Variants in TANC1 observed in about 807,000 individuals in gnomAD.
TANC1 encodes the protein protein TANC1.
Under a neutral mutation model 149.7 loss-of-function variants are expected in TANC1, and 77 were observed. The ratio of observed to expected loss-of-function variants is 0.51; its 90% CI spans 0.43 to 0.62. The LOEUF is 0.62. Among genes scored for constraint, TANC1 ranks in the 20% least tolerant of loss-of-function variants. The probability of loss-of-function intolerance (pLI) is 0.00; values close to 1 mark genes in which losing one functional copy is unlikely to be tolerated. For synonymous variants in TANC1, 854 were observed against 925.0 expected (o/e 0.92, Z 1.39); for missense variants, 1,985 against 2,321.8 (o/e 0.85, Z 2.98).
At chr2:159,007,362 T>G (rs1420881788) in intron 2 of TANC1, among the ~76,000 whole-genome samples, 1 of 152,154 alleles carries the variant, frequency 6.6e-6, no homozygotes, top group Non-Finnish European at 1.5e-5. Flanking sequence ...GTCAGGCTGG[T>G]CTTGAACTCC....
intron 8 of TANC1, among the ~76,000 whole-genome samples, chr2:159,165,328 G>A (rs2150418785): frequency 6.6e-6 from 1 of 152,306 alleles, no homozygotes; most frequent in South Asian, 2.1e-4. Context: ...GTGCCCTTGA[G>A]CTAGACCTCC....
intron 3 of TANC1, among the ~76,000 whole-genome samples, chr2:159,066,589 T>G (rs1167261266): frequency 6.6e-6 from 1 of 152,198 alleles, no homozygotes; most frequent in East Asian, 1.9e-4. Context: ...GGATAGCAGG[T>G]GTGTTCAGGA....
At chr2:159,045,478 A>T (rs539100774) in intron 2 of TANC1, among the ~76,000 whole-genome samples, 27 of 152,318 alleles carry the variant, frequency 1.8e-4, no homozygotes, top group African/African-American at 6.0e-4. Flanking sequence ...AGTTTAAAGG[A>T]TACATAAAAT....
At chr2:159,003,830 A>G in intron 2 of TANC1, 1 of 1,602,084 alleles carries the variant, frequency 6.2e-7, no homozygotes. Flanking sequence ...TCCCTGCTTC[A>G]GATTTACCAA....
chr2:159,163,472 C>T lies in TANC1; in HGVS notation c.872C>T (p.Ser291Leu), dbSNP rs1394646075. Residue 291 changes from serine (S) to leucine (L), a missense_variant, in exon 8 of 27, where the codon TCA (serine) becomes TTA (leucine). Ser to Leu is a moderately radical substitution (Grantham distance 145). This residue lies in a region of TANC1 where 557 missense variants were observed against 612.9 expected (regional missense o/e 0.91). Transcript: ENST00000263635. ...AESTLPKAES[S>L]AGDGPVPYSQ... ...AGCACGCTGCCCAAAGCAGAATCCT[C>T]AGCTGGAGATGGTCCAGTCCCTTAT... 1 of 1,613,924 alleles carries T rather than the reference C, an allele frequency of 6.2e-7. No homozygotes were observed. The highest frequency in any genetic ancestry group is 2.2e-5 in the East Asian group (1 of 44,884).
At chr2:159,127,713 G>A (rs1355121777) in intron 4 of TANC1, among the ~76,000 whole-genome samples, 1 of 151,988 alleles carries the variant, frequency 6.6e-6, no homozygotes, top group Non-Finnish European at 1.5e-5. Context: ...GCCCGTCAGG[G>A]CACGGGGGGA....
rs371678160 is a variant in TANC1 at position 159,077,443 on chromosome 2, G to A, written c.61+11472G>A. Among the ~76,000 whole-genome samples, 135 of 151,964 alleles carry A rather than the reference G, an allele frequency of 8.9e-4. 1 individual carries two copies. The highest frequency in any genetic ancestry group is 5.2e-3 in the South Asian group (25 of 4,810). ...CTATTTCTTCTCTGCTTCTCTTTTCGCTCCCCAAAGGCAATTAATGTTAAC... is the reference window on the plus strand; with the variant it reads ...CTATTTCTTCTCTGCTTCTCTTTTCACTCCCCAAAGGCAATTAATGTTAAC... On this transcript the variant is annotated intron_variant, in intron 3 of 26. Transcript: ENST00000263635.
At chr2:158,975,598 G>T (rs1229430101) in intron 1 of TANC1, among the ~76,000 whole-genome samples, 2 of 151,634 alleles carry the variant, frequency 1.3e-5, no homozygotes, top group African/African-American at 4.8e-5. Flanking sequence ...TCGGTGTCAG[G>T]GGTGTAGGAG....
intron 7 of TANC1, among the ~76,000 whole-genome samples, chr2:159,159,565 T>C (rs1355655143): frequency 6.6e-6 from 1 of 152,164 alleles, no homozygotes; most frequent in Non-Finnish European, 1.5e-5. Context: ...CATGAACTTT[T>C]AGCCACAGAT....
chr2:159,173,191 G>A (rs1374305693), intron 11 of TANC1, among the ~76,000 whole-genome samples: 2 of 152,148 alleles, frequency 1.3e-5, no homozygotes. Context: ...TCTTACACTA[G>A]AGATCACTCA....
Position 159,136,178 on chromosome 2 carries a change from A to C in TANC1, c.260-16A>C. 6.6e-7 allele frequency: 1 copy of C among 1,504,434 alleles called. No individual in the cohort carries two copies. Among genetic ancestry groups the C allele is most frequent in the Non-Finnish European group, 9.3e-7 (1 of 1,079,662 alleles). The allele number at this position is 1,504,434 out of a possible 1,614,324, so 93.2% of individuals were successfully genotyped here. ...TCTGGAAAAAATTAGCCACACTCAG[A>C]TCTTTCCCACTACAGGTCCCGTCAG... On this transcript the variant is annotated splice_polypyrimidine_tract_variant and intron_variant, in intron 4 of 26. Transcript: ENST00000263635.
chr2:158,971,827 A>G (rs2032929487), intron 1 of TANC1, among the ~76,000 whole-genome samples: 1 of 152,238 alleles, frequency 6.6e-6, no homozygotes, highest in East Asian at 1.9e-4. Flanking sequence ...TGAATAAACC[A>G]AGGCCTAGAA....
chr2:159,161,269 A>G (rs562631932), intron 7 of TANC1, among the ~76,000 whole-genome samples: 29 of 152,296 alleles, frequency 1.9e-4, no homozygotes, highest in Non-Finnish European at 3.5e-4. Context: ...TAATTTTTCA[A>G]TTTACAAATA....
chr2:159,161,569 A>G (rs563603517), intron 7 of TANC1, among the ~76,000 whole-genome samples: 70 of 152,370 alleles, frequency 4.6e-4, no homozygotes, highest in Middle Eastern at 3.4e-3. Context: ...CCTGAAAAAC[A>G]TTAGCACACT....
intron 8 of TANC1, among the ~76,000 whole-genome samples, chr2:159,166,136 T>C (rs1482107663): frequency 6.6e-6 from 1 of 152,204 alleles, no homozygotes; most frequent in Non-Finnish European, 1.5e-5. Flanking sequence ...AAAACAGACC[T>C]AGAAGCCTTT....
intron 3 of TANC1, among the ~76,000 whole-genome samples, chr2:159,084,760 T>C (rs2044662504): frequency 6.6e-6 from 1 of 152,222 alleles, no homozygotes. Flanking sequence ...CTAAATTATC[T>C]GGGGCTAAGT....
intron 3 of TANC1, among the ~76,000 whole-genome samples, chr2:159,088,894 G>A (rs1195239142): frequency 6.6e-6 from 1 of 152,128 alleles, no homozygotes; most frequent in East Asian, 1.9e-4. Flanking sequence ...ACAGAATTTT[G>A]TTCTCAGTCG....
chr2:159,176,980 G>A (rs1355368589), intron 13 of TANC1, among the ~76,000 whole-genome samples: 5 of 134,390 alleles, frequency 3.7e-5, no homozygotes, highest in Non-Finnish European at 7.6e-5. Context: ...CATGATCTCG[G>A]CTCAATGCAG....
chr2:159,178,904 T>G lies in TANC1; in HGVS notation c.2251T>G (p.Phe751Val). ...CATGAAGTTCATGACCCAGTCCGCC[T>G]TTGAGAGGGCACTTCCGATTCTCAA... ...CNMKFMTQSA[F>V]ERALPILNVA... is the part of the protein sequence containing the mutation. The change falls in exon 14 of 27, where the codon TTT (phenylalanine) becomes GTT (valine). Residue 751 changes from phenylalanine to valine, a missense_variant. Transcript: ENST00000263635. 2 of 1,614,182 alleles carry G rather than the reference T, an allele frequency of 1.2e-6. No individual in the cohort carries two copies. Among genetic ancestry groups the G allele is most frequent in the Non-Finnish European group, 1.7e-6 (2 of 1,180,034 alleles).
Sources: gnomAD v4.1 joint callset for allele counts (sites outside exome capture counted in the v4.1 genomes callset) on GRCh38, gnomAD v4.1.1 for gene constraint, gnomAD v4.1.1 regional missense constraint, MANE v1.5 for transcripts, NCBI Gene and HGNC (gene_info 2026-07-23, HGNC 2026-07-21) for gene names.